The following BAMBI variants were observed in gnomAD, a reference collection of about 807,000 sequenced individuals.
BAMBI encodes the protein BMP and activin membrane-bound inhibitor homolog.
Under a neutral mutation model 24.1 loss-of-function variants are expected in BAMBI, and 21 were observed. The observed-to-expected ratio is 0.87, with a 90% CI of 0.62 to 1.26. BAMBI has a LOEUF of 1.26. BAMBI is among the 50% of genes most tolerant of loss of function. The pLI is 0.00. For synonymous variants in BAMBI, 156 were observed against 123.1 expected (o/e 1.27, Z -1.77); for missense variants, 388 against 329.1 (o/e 1.18, Z -1.38).
chr10:28,677,820 G>A lies in BAMBI; in HGVS notation c.-78G>A, dbSNP rs886622358. ...GCTCCGGGCAGGGCCCATGCCCTGCGCGCTCCGGGGGTCGTAGGCTGCCGC... is the reference window on the plus strand; with the variant it reads ...GCTCCGGGCAGGGCCCATGCCCTGCACGCTCCGGGGGTCGTAGGCTGCCGC... On this transcript the variant is annotated 5_prime_UTR_variant, in exon 1 of 3. Coordinates refer to ENST00000375533, the MANE Select transcript of BAMBI (RefSeq NM_012342.3). 4.1e-6 allele frequency: 5 copies of A among 1,226,212 alleles called. No individual in the cohort carries two copies. Among genetic ancestry groups the A allele is most frequent in the Non-Finnish European group, 4.3e-6 (4 of 933,982 alleles). The allele number at this position is 1,226,212 out of a possible 1,614,324, so 76.0% of individuals were successfully genotyped here.
intron 1 of BAMBI, among the ~76,000 whole-genome samples, chr10:28,679,668 G>T (rs143224589): frequency 1.1e-4 from 17 of 152,188 alleles, no homozygotes; most frequent in African/African-American, 3.9e-4. Flanking sequence ...TTCTGTACAA[G>T]GTCTGAAGCT....
intron 1 of BAMBI, among the ~76,000 whole-genome samples, chr10:28,679,532 TAAAA>T (rs59827158): frequency 6.7e-6 from 1 of 148,522 alleles, no homozygotes; most frequent in Non-Finnish European, 1.5e-5. Context: ...TGGCTCCAAT[TAAAA>T]AAAAAAGGTA....
At chr10:28,678,605 C>CT (rs898795423) in intron 1 of BAMBI, among the ~76,000 whole-genome samples, 19 of 152,150 alleles carry the variant, frequency 1.2e-4, no homozygotes, top group Middle Eastern at 3.4e-3. Flanking sequence ...GTGTCTGTCT[C>CT]TAAGTGTCTT....
At chr10:28,679,950 C>G (rs1010812063) in intron 1 of BAMBI, among the ~76,000 whole-genome samples, 2 of 152,186 alleles carry the variant, frequency 1.3e-5, no homozygotes, top group Admixed American at 6.5e-5. Flanking sequence ...TGCCAAAGAT[C>G]TGTGTTTAGC....
Position 28,682,110 on chromosome 10 carries a change from T to C in BAMBI, c.492T>C (p.Ile164=). 1 of 1,614,082 alleles carries C rather than the reference T, an allele frequency of 6.2e-7. No homozygotes were observed. The highest frequency in any genetic ancestry group is 8.5e-7 in the Non-Finnish European group (1 of 1,180,022). The part of the protein sequence containing the change: ...VIAVPIAGGL[I]LVLLIMLALR... ...CCGTGCCCATTGCTGGAGGGCTGAT[T>C]TTAGTGTTGCTTATTATGTTGGCCC... is the stretch of plus-strand genomic sequence containing the variant. The change falls in exon 3 of 3, where the codon ATT becomes ATC. Residue 164 remains isoleucine (I), a synonymous_variant. Transcript: ENST00000375533.
chr10:28,682,069 C>CGGGCA lies in BAMBI; in HGVS notation c.453_457dup (p.Ala153GlyfsTer13), dbSNP rs1834504167. Reference sequence around the variant, plus strand: ...GACTTCTTCCAAAGAGTTGTGGTTCCGGGCAGCGGTCATTGCCGTGCCCAT... The same window carrying CGGGCA: ...GACTTCTTCCAAAGAGTTGTGGTTCCGGGCAGGGCAGCGGTCATTGCCGTGCCCAT... On this transcript the variant is annotated frameshift_variant, in exon 3 of 3. Coordinates refer to ENST00000375533, the MANE Select transcript of BAMBI (RefSeq NM_012342.3). LOFTEE classifies it high-confidence loss of function. 1.2e-6 allele frequency: 2 copies of CGGGCA among 1,613,956 alleles called. No homozygotes were observed. Among genetic ancestry groups the CGGGCA allele is most frequent in the East Asian group, 2.2e-5 (1 of 44,880 alleles).
intron 1 of BAMBI, among the ~76,000 whole-genome samples, chr10:28,679,664 A>G (rs1834477294): frequency 1.3e-5 from 2 of 152,234 alleles, no homozygotes; most frequent in South Asian, 4.1e-4. Flanking sequence ...CCTTTTCTGT[A>G]CAAGGTCTGA....
At chr10:28,678,948 T>C (rs1834467992) in intron 1 of BAMBI, among the ~76,000 whole-genome samples, 1 of 152,094 alleles carries the variant, frequency 6.6e-6, no homozygotes, top group Non-Finnish European at 1.5e-5. Context: ...GAAATCTACC[T>C]ACTGTTCTGT....
Position 28,677,970 on chromosome 10 carries a change from A to G in BAMBI, c.73A>G (p.Lys25Glu). Residue 25 changes from lysine to glutamate, a missense_variant, in exon 1 of 3, where the codon AAA (lysine) becomes GAA (glutamate). Lys to Glu is a moderately conservative substitution (Grantham distance 56). Transcript: ENST00000375533. ...ELCAMAVLLT[K>E]GEIRCYCDAA... ...CTGCGCCATGGCCGTGCTGCTCACCAAAGGTGGGTGCCGGGGGCGCACGGG... is the reference window on the plus strand; with the variant it reads ...CTGCGCCATGGCCGTGCTGCTCACCGAAGGTGGGTGCCGGGGGCGCACGGG... The G allele has an allele frequency of 4.6e-6, 7 of 1,524,350 alleles. No homozygotes were observed. The highest frequency in any genetic ancestry group is 6.1e-6 in the Non-Finnish European group (7 of 1,141,632). 94.4% of individuals were successfully genotyped at this position (1,524,350 alleles called of 1,614,324 possible).
chr10:28,678,783 T>G (rs1834465906), intron 1 of BAMBI, among the ~76,000 whole-genome samples: 2 of 150,730 alleles, frequency 1.3e-5, no homozygotes, highest in Non-Finnish European at 1.5e-5. Flanking sequence ...TCTGTCAGCG[T>G]CTCACTGCCA....
chr10:28,677,680 G>A lies in BAMBI; in HGVS notation c.-218G>A. ...AGAGTCGAGCGGGGCAAGGGAGCCAGTGGCCGCCGACGGGGGACCGGGAAA... is the reference window on the plus strand; with the variant it reads ...AGAGTCGAGCGGGGCAAGGGAGCCAATGGCCGCCGACGGGGGACCGGGAAA... On this transcript the variant is annotated 5_prime_UTR_variant, in exon 1 of 3. It adds an upstream start codon to the 5' untranslated region. Transcript: ENST00000375533. 1 of 270,268 alleles carries A rather than the reference G, an allele frequency of 3.7e-6. No individual in the cohort carries two copies. 16.7% of individuals were successfully genotyped at this position (270,268 alleles called of 1,614,324 possible).
At chr10:28,679,067 GGAT>G (rs946571276) in intron 1 of BAMBI, among the ~76,000 whole-genome samples, 2 of 152,174 alleles carry the variant, frequency 1.3e-5, no homozygotes, top group Non-Finnish European at 2.9e-5. Context: ...AGCCCAGCGA[GGAT>G]GATGTGCTAC....
chr10:28,682,067 T>TCCGGGCAGCGGTCATTG lies in BAMBI; in HGVS notation c.453_469dup (p.Val157GlyfsTer13). 1.2e-6 allele frequency: 2 copies of TCCGGGCAGCGGTCATTG among 1,614,150 alleles called. No homozygotes were observed. Among genetic ancestry groups the TCCGGGCAGCGGTCATTG allele is most frequent in the Non-Finnish European group, 1.7e-6 (2 of 1,180,018 alleles). On this transcript the variant is annotated frameshift_variant, in exon 3 of 3. Transcript: ENST00000375533. LOFTEE classifies it high-confidence loss of function. Reference sequence around the variant, plus strand: ...CTGACTTCTTCCAAAGAGTTGTGGTTCCGGGCAGCGGTCATTGCCGTGCCC... The same window carrying TCCGGGCAGCGGTCATTG: ...CTGACTTCTTCCAAAGAGTTGTGGTTCCGGGCAGCGGTCATTGCCGGGCAGCGGTCATTGCCGTGCCC...
intron 1 of BAMBI, 95 bp from the exon 2 acceptor site, chr10:28,681,162 GT>G (rs1834492828): frequency 7.4e-7 from 1 of 1,345,886 alleles, no homozygotes; most frequent in East Asian, 2.3e-5. Flanking sequence ...TGATCTAAAA[GT>G]TCATGCCTTT....
intron 2 of BAMBI, 98 bp from the exon 3 acceptor site, chr10:28,681,885 C>T: frequency 8.1e-7 from 1 of 1,229,874 alleles, no homozygotes; most frequent in Non-Finnish European, 1.1e-6. Flanking sequence ...TTGTAAGCTT[C>T]TTTTTAATGG....
intron 1 of BAMBI, among the ~76,000 whole-genome samples, chr10:28,679,288 C>T (rs763557776): frequency 6.6e-5 from 10 of 152,146 alleles, no homozygotes; most frequent in Non-Finnish European, 1.5e-4. Context: ...ACTTCAAAAG[C>T]TTTAAAAGAA....
At position 28,677,798 on chromosome 10, in the gene BAMBI, C is replaced by G. The variant is rs1053724662; in HGVS notation, c.-100C>G. The G allele has an allele frequency of 8.9e-5, 74 of 833,142 alleles. No homozygotes were observed. Among genetic ancestry groups the G allele is most frequent in the Non-Finnish European group, 1.1e-4 (72 of 637,636 alleles). The allele number at this position is 833,142 out of a possible 1,614,324, so 51.6% of individuals were successfully genotyped here. On this transcript the variant is annotated 5_prime_UTR_variant, in exon 1 of 3. Coordinates refer to ENST00000375533, the MANE Select transcript of BAMBI (RefSeq NM_012342.3). Reference sequence around the variant, plus strand: ...CCCGCCGCTGACGGCGCCCGCCGCTCCGGGCAGGGCCCATGCCCTGCGCGC... The same window carrying G: ...CCCGCCGCTGACGGCGCCCGCCGCTGCGGGCAGGGCCCATGCCCTGCGCGC...
In BAMBI at chr10:28,677,968, C is replaced by T. The variant is rs765666964; in HGVS notation, c.71C>T (p.Thr24Ile). The T allele has an allele frequency of 1.8e-5, 27 of 1,525,482 alleles. No individual in the cohort carries two copies. The highest frequency in any genetic ancestry group is 2.3e-5 in the Non-Finnish European group (26 of 1,142,192). The allele number at this position is 1,525,482 out of a possible 1,614,324, so 94.5% of individuals were successfully genotyped here. A position where few individuals can be genotyped will look rare whatever the true frequency, so the allele number is the denominator to read the frequency against. ...LELCAMAVLLTKGEIRCYCDA... is the reference protein window; with the variant it reads ...LELCAMAVLLIKGEIRCYCDA... Reference sequence around the variant, plus strand: ...CTCTGCGCCATGGCCGTGCTGCTCACCAAAGGTGGGTGCCGGGGGCGCACG... The same window carrying T: ...CTCTGCGCCATGGCCGTGCTGCTCATCAAAGGTGGGTGCCGGGGGCGCACG... Residue 24 changes from threonine to isoleucine, a missense_variant, in exon 1 of 3, where the codon ACC becomes ATC. Thr to Ile is a moderately conservative substitution (Grantham distance 89, BLOSUM62 -1). Transcript: ENST00000375533.
In BAMBI at chr10:28,681,486, A is replaced by T; in HGVS notation, c.305A>T (p.Asp102Val). ...CCCACATTGGAATGCTGTCATGAAG[A>T]CATGTGCAATTACAGAGGGCTGCAC... ...TIPTLECCHE[D>V]MCNYRGLHDV... is the part of the protein sequence containing the mutation. The change falls in exon 2 of 3, where the codon GAC becomes GTC. Residue 102 changes from aspartate (D) to valine (V), a missense_variant. Coordinates refer to ENST00000375533, the MANE Select transcript of BAMBI (RefSeq NM_012342.3). 1.9e-6 allele frequency: 3 copies of T among 1,614,160 alleles called. No individual in the cohort carries two copies. The highest frequency in any genetic ancestry group is 2.5e-6 in the Non-Finnish European group (3 of 1,180,022).
Sources: gnomAD v4.1 joint callset for allele counts (sites outside exome capture counted in the v4.1 genomes callset) on GRCh38, gnomAD v4.1.1 for gene constraint, MANE v1.5 for transcripts, NCBI Gene and HGNC (gene_info 2026-07-23, HGNC 2026-07-21) for gene names.